The following ZFHX3 variants were observed in gnomAD, a reference collection of about 807,000 sequenced individuals.
ZFHX3 encodes zinc finger homeobox 3.
Under a neutral mutation model 279.1 loss-of-function variants are expected in ZFHX3, and 42 were observed. That is an observed-to-expected ratio of 0.15 (90% CI 0.12 to 0.19). The LOEUF (loss-of-function observed/expected upper bound fraction) is 0.19, where lower values mean the gene tolerates loss of function less well. ZFHX3 is among the 10% of genes least tolerant of loss of function. The pLI is 1.00. For missense variants in ZFHX3, 4,981 were observed against 4,754.0 expected, an observed-to-expected ratio of 1.05 and a Z score of -1.40; for synonymous variants, 2,293 against 1,957.8, an observed-to-expected ratio of 1.17 and a Z score of -4.52.
chr16:73,171,408 A>C (rs1967520027), intron 5 of ZFHX3, among the ~76,000 whole-genome samples: 1 of 142,698 alleles, frequency 7.0e-6, no homozygotes, highest in South Asian at 2.2e-4. Context: ...TGTCTGTGTG[A>C]CTCTTGTGCC....
intron 7 of ZFHX3, among the ~76,000 whole-genome samples, chr16:73,106,824 A>G (rs8045914): frequency 0.36 from 54,543 of 152,060 alleles, 10,157 homozygotes; most frequent in Admixed American, 0.47. Context: ...TCCACTTCCA[A>G]GGGTGTCCTC....
intron 5 of ZFHX3, among the ~76,000 whole-genome samples, chr16:73,201,755 T>C (rs982535590): frequency 2.6e-5 from 4 of 152,220 alleles, no homozygotes; most frequent in Non-Finnish European, 5.9e-5. Context: ...TCGTTTTGGT[T>C]CAGGTAATGC....
chr16:72,962,514 G>A (rs1961628124), intron 1 of ZFHX3, among the ~76,000 whole-genome samples: 1 of 152,190 alleles, frequency 6.6e-6, no homozygotes, highest in Non-Finnish European at 1.5e-5. Flanking sequence ...GGTCGGAGAG[G>A]AGGAACCCAC....
intron 1 of ZFHX3, among the ~76,000 whole-genome samples, chr16:73,008,911 CGT>C (rs5817822): frequency 0.41 from 61,109 of 149,512 alleles, 13,751 homozygotes; most frequent in Non-Finnish European, 0.53. Flanking sequence ...AAAGTATATA[CGT>C]GTGTGTGTGT....
chr16:72,908,223 C>T (rs774436420), intron 3 of ZFHX3, among the ~76,000 whole-genome samples: 6 of 152,112 alleles, frequency 3.9e-5, no homozygotes, highest in East Asian at 1.9e-4. Context: ...ACAGGAGCCA[C>T]GTCATTCTGC....
At chr16:73,369,181 G>A (rs1597304522) in intron 3 of ZFHX3, among the ~76,000 whole-genome samples, 2 of 152,198 alleles carry the variant, frequency 1.3e-5, no homozygotes, top group East Asian at 3.8e-4. Context: ...AACAACTCCA[G>A]GCCTGGGGTT....
chr16:73,189,125 G>A (rs773015757), intron 5 of ZFHX3, among the ~76,000 whole-genome samples: 6 of 152,162 alleles, frequency 3.9e-5, no homozygotes, highest in Non-Finnish European at 8.8e-5. Context: ...GCCTCCCAAA[G>A]TGCTGGGATT....
At chr16:73,762,002 G>C (rs2053873135) in intron 1 of ZFHX3, among the ~76,000 whole-genome samples, 1 of 151,792 alleles carries the variant, frequency 6.6e-6, no homozygotes, top group Admixed American at 6.6e-5. Flanking sequence ...TTAAACTGAA[G>C]AGCTTCTGAC....
intron 2 of ZFHX3, among the ~76,000 whole-genome samples, chr16:73,538,151 C>T (rs1343335562): frequency 1.3e-5 from 2 of 152,118 alleles, no homozygotes; most frequent in African/African-American, 2.4e-5. Context: ...CTCATCACGG[C>T]AGCACATGTA....
At position 73,127,207 on chromosome 16, in the gene ZFHX3, G is replaced by C. The variant is rs1017158774; in HGVS notation, c.-897+3761C>G. 9.4e-5 allele frequency: 54 copies of C among 573,050 alleles called. No homozygotes were observed. In the African/African-American group the frequency reaches 1.0e-3, roughly 11 times the overall value. 35.5% of individuals were successfully genotyped at this position (573,050 alleles called of 1,614,324 possible). A position where few individuals can be genotyped will look rare whatever the true frequency, so the allele number is the denominator to read the frequency against. On this transcript the variant is annotated intron_variant, in intron 7 of 17. Coordinates refer to the ZFHX3 transcript ENST00000641206. ...GGTCTGATCGATGCAAACCAGAGCA[G>C]TCGTGCGTGAGCTGTTACACAGCGG... is the stretch of plus-strand genomic sequence containing the variant.
At chr16:73,866,905 C>G (rs1962036991) in intron 1 of ZFHX3, among the ~76,000 whole-genome samples, 2 of 152,174 alleles carry the variant, frequency 1.3e-5, no homozygotes, top group African/African-American at 4.8e-5. Context: ...ATTGTCCCTC[C>G]AAGGGCTGGA....
At chr16:73,257,305 T>C (rs1193671503) in intron 4 of ZFHX3, among the ~76,000 whole-genome samples, 1 of 152,242 alleles carries the variant, frequency 6.6e-6, no homozygotes, top group Non-Finnish European at 1.5e-5. Flanking sequence ...CACTTGACTT[T>C]GTGTCGCCAT....
At chr16:73,441,721 G>A (rs1023863655) in intron 3 of ZFHX3, among the ~76,000 whole-genome samples, 7 of 152,036 alleles carry the variant, frequency 4.6e-5, no homozygotes, top group African/African-American at 1.7e-4. Flanking sequence ...CTTCTCCTTG[G>A]TTCAAATTCC....
chr16:73,544,451 C>T (rs1012570047), intron 2 of ZFHX3, among the ~76,000 whole-genome samples: 1 of 152,100 alleles, frequency 6.6e-6, no homozygotes, highest in Non-Finnish European at 1.5e-5. Flanking sequence ...AGCAGGAACT[C>T]TTTGGGAAGG....
chr16:72,913,325 A>G (rs1279733860), intron 3 of ZFHX3, among the ~76,000 whole-genome samples: 1 of 152,220 alleles, frequency 6.6e-6, no homozygotes, highest in Non-Finnish European at 1.5e-5. Context: ...CATAGCACTG[A>G]AATGTCATTC....
At chr16:73,586,075 G>C (rs1397699178) in intron 2 of ZFHX3, among the ~76,000 whole-genome samples, 1 of 151,978 alleles carries the variant, frequency 6.6e-6, no homozygotes, top group Non-Finnish European at 1.5e-5. Flanking sequence ...ACTATATATT[G>C]TTTTTAATAG....
chr16:73,122,828 A>G (rs931688568), intron 7 of ZFHX3, among the ~76,000 whole-genome samples: 1 of 152,026 alleles, frequency 6.6e-6, no homozygotes, highest in Non-Finnish European at 1.5e-5. Flanking sequence ...CCAAGCAAAC[A>G]GTGGTGTGGA....
intron 1 of ZFHX3, among the ~76,000 whole-genome samples, chr16:73,029,701 C>G (rs1455390652): frequency 6.6e-6 from 1 of 152,198 alleles, no homozygotes; most frequent in Non-Finnish European, 1.5e-5. Context: ...GGAATCCCAG[C>G]AGGGAACTCG....
At chr16:73,509,154 C>T (rs986876619) in intron 2 of ZFHX3, among the ~76,000 whole-genome samples, 4 of 152,256 alleles carry the variant, frequency 2.6e-5, no homozygotes, top group Non-Finnish European at 4.4e-5. Flanking sequence ...TTGATCACAA[C>T]GGTGACTACT....
Sources: allele counts gnomAD v4.1 joint callset (sites outside exome capture counted in the v4.1 genomes callset), GRCh38; gene constraint gnomAD v4.1.1; transcripts MANE v1.5; gene names NCBI Gene and HGNC (gene_info 2026-07-23, HGNC 2026-07-21).